Variants in VWA8 observed in about 807,000 individuals in gnomAD.
VWA8 encodes the protein von Willebrand factor A domain-containing protein 8.
In VWA8, 221 loss-of-function variants were observed where a neutral mutation model predicts 241.5. The observed-to-expected ratio is 0.91, with a 90% CI of 0.82 to 1.02. VWA8 has a LOEUF of 1.02. Among genes scored for constraint, VWA8 ranks in the 50% least tolerant of loss-of-function variants. The pLI, the probability that VWA8 is intolerant of heterozygous loss-of-function variation, is 0.00. For synonymous variants in VWA8, 852 were observed against 827.1 expected (o/e 1.03, Z -0.52); for missense variants, 2,322 against 2,328.7 (o/e 1.00, Z 0.06).
intron 2 of VWA8, among the ~76,000 whole-genome samples, chr13:41,923,642 T>C (rs1876674893): frequency 6.6e-6 from 1 of 151,924 alleles, no homozygotes; most frequent in African/African-American, 2.4e-5. Flanking sequence ...TCAAGAGAGA[T>C]ACCCTCATCT....
intron 21 of VWA8, among the ~76,000 whole-genome samples, chr13:41,734,762 T>C (rs2045512484): frequency 6.6e-6 from 1 of 152,222 alleles, no homozygotes; most frequent in African/African-American, 2.4e-5. Flanking sequence ...CTGCTTCTTA[T>C]GGCCCTAGCA....
intron 19 of VWA8, among the ~76,000 whole-genome samples, chr13:41,780,037 C>G (rs1251247145): frequency 6.6e-6 from 1 of 152,174 alleles, no homozygotes; most frequent in Admixed American, 6.5e-5. Flanking sequence ...CAATTTCTCC[C>G]ATAGTTTTCT....
chr13:41,625,222 T>C (rs1468486586), intron 37 of VWA8, among the ~76,000 whole-genome samples: 1 of 152,022 alleles, frequency 6.6e-6, no homozygotes, highest in Non-Finnish European at 1.5e-5. Context: ...AAAGCCAAAA[T>C]TGACATATGG....
intron 4 of VWA8, among the ~76,000 whole-genome samples, chr13:41,900,885 G>A (rs1001988816): frequency 1.3e-5 from 2 of 151,916 alleles, no homozygotes; most frequent in East Asian, 1.9e-4. Flanking sequence ...GAATAGAATC[G>A]GATTGATTTT....
chr13:41,638,486 A>G (rs1447804809), intron 37 of VWA8, among the ~76,000 whole-genome samples: 1 of 152,172 alleles, frequency 6.6e-6, no homozygotes, highest in Non-Finnish European at 1.5e-5. Flanking sequence ...AGAAGCAGAC[A>G]AGAGGGAAGC....
Position 41,887,326 on chromosome 13 carries a change from A to G in VWA8, c.687T>C (p.Ile229=), listed in dbSNP as rs1388116550. 1 of 1,613,082 alleles carries G rather than the reference A, an allele frequency of 6.2e-7. No homozygotes were observed. Among genetic ancestry groups the G allele is most frequent in the Admixed American group, 1.7e-5 (1 of 59,676 alleles). The change falls in exon 6 of 45, where the codon ATT becomes ATC. Residue 229 remains isoleucine (I), a synonymous_variant. Transcript: ENST00000379310. ...HTKKELDSWK[I]VRVSENFRVI... Reference sequence around the variant, plus strand: ...CTCGGAAATTTTCACTAACTCGGACAATTTTCCAAGAATCCAACTCTTTTT... The same window carrying G: ...CTCGGAAATTTTCACTAACTCGGACGATTTTCCAAGAATCCAACTCTTTTT...
intron 21 of VWA8, among the ~76,000 whole-genome samples, chr13:41,748,807 T>G (rs201132779): frequency 1.3e-5 from 2 of 152,214 alleles, no homozygotes; most frequent in East Asian, 3.8e-4. Context: ...GCTAGCCATA[T>G]GTAGAAAGCT....
chr13:41,893,326 T>C (rs578196405), intron 4 of VWA8, among the ~76,000 whole-genome samples: 1 of 152,282 alleles, frequency 6.6e-6, no homozygotes, highest in South Asian at 2.1e-4. Context: ...AATGATAAAC[T>C]TTATGAAAGC....
At chr13:41,834,928 G>A (rs1283303038) in intron 12 of VWA8, among the ~76,000 whole-genome samples, 5 of 152,194 alleles carry the variant, frequency 3.3e-5, no homozygotes. Flanking sequence ...CATGTCCTTT[G>A]CAGGGACATG....
At chr13:41,716,105 A>G (rs2045346333) in intron 26 of VWA8, among the ~76,000 whole-genome samples, 1 of 152,026 alleles carries the variant, frequency 6.6e-6, no homozygotes, top group African/African-American at 2.4e-5. Flanking sequence ...CTCAGGAAGT[A>G]CTAGTGGAAA....
rs9566833 is a variant in VWA8 at position 41,729,593 on chromosome 13, G to C, written c.2587C>G (p.Leu863Val). The change falls in exon 23 of 45, where the codon CTA becomes GTA. Residue 863 changes from leucine to valine, a missense_variant. Physicochemically the swap from Leu to Val is conservative, Grantham distance 32 (BLOSUM62 1). Coordinates refer to ENST00000379310, the MANE Select transcript of VWA8 (RefSeq NM_015058.2). ...PTNVTCILKT[L>V]VENGEMILAD... ...AGAATCATTTCTCCATTTTCTACTAGAGTTTTTAAAATACACGTGACATTT... is the reference window on the plus strand; with the variant it reads ...AGAATCATTTCTCCATTTTCTACTACAGTTTTTAAAATACACGTGACATTT... The C allele has an allele frequency of 6.2e-7, 1 of 1,612,970 alleles. No homozygotes were observed. Among genetic ancestry groups the C allele is most frequent in the Admixed American group, 1.7e-5 (1 of 59,898 alleles).
intron 12 of VWA8, among the ~76,000 whole-genome samples, chr13:41,848,194 C>T (rs1872371240): frequency 6.6e-6 from 1 of 152,132 alleles, no homozygotes; most frequent in African/African-American, 2.4e-5. Context: ...ACTAAAGCTG[C>T]CTTTTCTGAA....
chr13:41,629,355 A>G (rs2044712471), intron 37 of VWA8, among the ~76,000 whole-genome samples: 1 of 152,226 alleles, frequency 6.6e-6, no homozygotes, highest in African/African-American at 2.4e-5. Context: ...AGGAAAAAAA[A>G]GTAAAGAGCT....
chr13:41,614,044 A>C (rs1172846474), intron 38 of VWA8, among the ~76,000 whole-genome samples: 1 of 152,236 alleles, frequency 6.6e-6, no homozygotes, highest in Admixed American at 6.5e-5. Context: ...AGCTCGTCCC[A>C]CAATGCATTC....
At chr13:41,706,712 G>A (rs1257728956) in intron 26 of VWA8, among the ~76,000 whole-genome samples, 1 of 152,172 alleles carries the variant, frequency 6.6e-6, no homozygotes, top group East Asian at 1.9e-4. Flanking sequence ...TAAATAACCA[G>A]CTAGCAAAAG....
chr13:41,635,031 T>G (rs2044748322), intron 37 of VWA8, among the ~76,000 whole-genome samples: 1 of 152,176 alleles, frequency 6.6e-6, no homozygotes, highest in African/African-American at 2.4e-5. Context: ...TGACTTATCT[T>G]CTCTTAGTTT....
chr13:41,827,315 CAA>C (rs1046294704), intron 14 of VWA8, among the ~76,000 whole-genome samples: 10 of 152,080 alleles, frequency 6.6e-5, no homozygotes, highest in African/African-American at 2.4e-4. Context: ...TGTAATGAGA[CAA>C]GAGGTGGTGA....
intron 1 of VWA8, among the ~76,000 whole-genome samples, chr13:41,952,969 C>A (rs1306490164): frequency 1.3e-5 from 2 of 152,172 alleles, no homozygotes; most frequent in South Asian, 4.1e-4. Context: ...CAGAGAGGGT[C>A]ACTGTGTTAG....
At chr13:41,583,553 G>A (rs1192537273) in intron 42 of VWA8, among the ~76,000 whole-genome samples, 1 of 147,516 alleles carries the variant, frequency 6.8e-6, no homozygotes, top group Non-Finnish European at 1.5e-5. Context: ...TGAGACAGAA[G>A]AATCGCTTGA....
Sources: gnomAD v4.1 joint callset for allele counts (sites outside exome capture counted in the v4.1 genomes callset) on GRCh38, gnomAD v4.1.1 for gene constraint, MANE v1.5 for transcripts, NCBI Gene and HGNC (gene_info 2026-07-23, HGNC 2026-07-21) for gene names.